ZEB2: variants seen among roughly 807,000 people sequenced by gnomAD.
ZEB2 encodes the protein zinc finger E-box binding homeobox 2.
Under a neutral mutation model 99.9 loss-of-function variants are expected in ZEB2, and 6 were observed. That is an observed-to-expected ratio of 0.06 (90% CI 0.03 to 0.12). The LOEUF (loss-of-function observed/expected upper bound fraction) is 0.12. ZEB2 is among the 10% of genes least tolerant of loss of function. The pLI, the probability that ZEB2 is intolerant of heterozygous loss-of-function variation, is 1.00. For missense variants in ZEB2, 969 were observed against 1,502.8 expected (o/e 0.64, Z 5.87); for synonymous variants, 517 against 542.5 (o/e 0.95, Z 0.65).
At chr2:144,474,645 A>G (rs929336955) in intron 2 of ZEB2, among the ~76,000 whole-genome samples, 2 of 152,192 alleles carry the variant, frequency 1.3e-5, no homozygotes, top group African/African-American at 4.8e-5. Flanking sequence ...GAGGATTCTG[A>G]TCTGGTTATA....
At chr2:144,517,198 C>G (rs1241128632) in intron 2 of ZEB2, 80 bp downstream of exon 2, 2 of 1,591,030 alleles carry the variant, frequency 1.3e-6, no homozygotes, top group African/African-American at 2.7e-5. Flanking sequence ...GCCTCGGTTC[C>G]TTTTCCCTTT....
intron 4 of ZEB2, among the ~76,000 whole-genome samples, chr2:144,409,680 A>C (rs1703432418): frequency 6.6e-6 from 1 of 152,018 alleles, no homozygotes; most frequent in Non-Finnish European, 1.5e-5. Flanking sequence ...CCTTTTCTCT[A>C]TCCAAAAAAA....
Position 144,399,606 on chromosome 2 carries a change from G to C in ZEB2, c.1581C>G (p.Asp527Glu). The change falls in exon 8 of 10, where the codon GAC becomes GAG. Residue 527 changes from aspartate (D) to glutamate (E), a missense_variant. Coordinates refer to ENST00000627532, the MANE Select transcript of ZEB2 (RefSeq NM_014795.4). The surrounding 1 kb of genome is among the most constrained non-coding windows in gnomAD (Gnocchi z 5.6). The part of the protein sequence containing the change: ...SHNGATKSII[D>E]YTLEKVNEAK... The stretch of plus-strand genomic sequence containing the variant: ...CTTCATTGACTTTTTCCAACGTATA[G>C]TCAATAATACTTTTAGTGGCACCAT... 1 of 1,614,172 alleles carries C rather than the reference G, an allele frequency of 6.2e-7. No homozygotes were observed. The highest frequency in any genetic ancestry group is 8.5e-7 in the Non-Finnish European group (1 of 1,180,028).
At chr2:144,450,375 T>G (rs978008258) in intron 2 of ZEB2, 1 of 152,236 alleles carries the variant, frequency 6.6e-6, no homozygotes, top group African/African-American at 2.4e-5. Context: ...ACATACTGAA[T>G]GTAATTATAA....
At chr2:144,461,535 T>C (rs1704194245) in intron 2 of ZEB2, 1 of 152,222 alleles carries the variant, frequency 6.6e-6, no homozygotes, top group Non-Finnish European at 1.5e-5. Context: ...CTAGCTTCTA[T>C]ACACCCACTC....
At chr2:144,421,648 G>A (rs1703619693) in intron 4 of ZEB2, among the ~76,000 whole-genome samples, 1 of 144,990 alleles carries the variant, frequency 6.9e-6, no homozygotes, top group African/African-American at 2.5e-5. Flanking sequence ...TTTCTCTTGT[G>A]TCATAATCTT....
intron 2 of ZEB2, among the ~76,000 whole-genome samples, chr2:144,480,692 C>A (rs1704496870): frequency 6.7e-6 from 1 of 149,206 alleles, no homozygotes. Flanking sequence ...TAGCCACCTA[C>A]CTGTCATCTC....
chr2:144,425,610 T>A (rs1198400682), intron 3 of ZEB2, among the ~76,000 whole-genome samples: 1 of 152,080 alleles, frequency 6.6e-6, no homozygotes, highest in Non-Finnish European at 1.5e-5. Context: ...AAGTTAAAAA[T>A]TCATAAACAA....
At chr2:144,456,998 A>T (rs1022320967) in intron 2 of ZEB2, among the ~76,000 whole-genome samples, 1 of 152,184 alleles carries the variant, frequency 6.6e-6, no homozygotes, top group Non-Finnish European at 1.5e-5. Flanking sequence ...TGTCCTGGCC[A>T]GAGCAGCACC....
chr2:144,397,376 G>T (rs1257739260), intron 8 of ZEB2, among the ~76,000 whole-genome samples: 4 of 152,138 alleles, frequency 2.6e-5, no homozygotes, highest in African/African-American at 9.7e-5. Flanking sequence ...ACTGTAAATT[G>T]GAATACTGGA....
Position 144,512,882 on chromosome 2 carries a change from G to A in ZEB2, c.73+4396C>T, listed in dbSNP as rs1332956902. 3 of 1,287,054 alleles carry A rather than the reference G, an allele frequency of 2.3e-6. No homozygotes were observed. In the East Asian group the frequency reaches 1.7e-4, roughly 71 times the overall value. The allele number at this position is 1,287,054 out of a possible 1,614,324, so 79.7% of individuals were successfully genotyped here. ...ATATCTTTGGAGCGCCCTCAGAACTGGTACCTGCCACACAACCTGCCCCAG... is the reference window on the plus strand; with the variant it reads ...ATATCTTTGGAGCGCCCTCAGAACTAGTACCTGCCACACAACCTGCCCCAG... On this transcript the variant is annotated intron_variant, in intron 2 of 9. Transcript: ENST00000627532.
At chr2:144,425,246 G>A (rs1703676394) in intron 3 of ZEB2, among the ~76,000 whole-genome samples, 1 of 152,182 alleles carries the variant, frequency 6.6e-6, no homozygotes, top group Admixed American at 6.5e-5. Flanking sequence ...GGAAACTCTG[G>A]ATGCTTAGTG....
intron 7 of ZEB2, 78 bp downstream of exon 7, chr2:144,401,121 G>T: frequency 1.5e-6 from 2 of 1,337,456 alleles, no homozygotes; most frequent in Non-Finnish European, 1.1e-6. Context: ...ATAGGACTGT[G>T]TAAATTTTAA....
At chr2:144,424,725 T>C in intron 4 of ZEB2, 71 bp downstream of exon 4, 1 of 1,560,312 alleles carries the variant, frequency 6.4e-7, no homozygotes, top group South Asian at 1.1e-5. Flanking sequence ...GTGTCACTGT[T>C]TCCTTCCCTG....
At chr2:144,506,639 G>A (rs1030559597) in intron 2 of ZEB2, among the ~76,000 whole-genome samples, 1 of 152,062 alleles carries the variant, frequency 6.6e-6, no homozygotes, top group Non-Finnish European at 1.5e-5. Flanking sequence ...AACATTGAAA[G>A]CAATATATTA....
chr2:144,427,960 C>T (rs1703711105), intron 3 of ZEB2: 2 of 152,126 alleles, frequency 1.3e-5, no homozygotes, highest in Non-Finnish European at 2.9e-5. Flanking sequence ...GATCCATGAC[C>T]AACACAAAAA....
chr2:144,487,831 T>C (rs1488436589), intron 2 of ZEB2, among the ~76,000 whole-genome samples: 1 of 152,250 alleles, frequency 6.6e-6, no homozygotes, highest in Non-Finnish European at 1.5e-5. Flanking sequence ...AACTAGGGCC[T>C]GCATTCTTTA....
intron 2 of ZEB2, chr2:144,463,865 A>C (rs1284230883): frequency 2.7e-5 from 4 of 150,774 alleles, no homozygotes; most frequent in African/African-American, 7.4e-5. Context: ...AAAAACAAAA[A>C]AAGAAAGACA....
chr2:144,415,827 T>A (rs1703532494), intron 4 of ZEB2, among the ~76,000 whole-genome samples: 1 of 152,272 alleles, frequency 6.6e-6, no homozygotes, highest in African/African-American at 2.4e-5. Flanking sequence ...GTTTCCACTC[T>A]GTAGCTGTAA....
Sources: allele counts gnomAD v4.1 joint callset (sites outside exome capture counted in the v4.1 genomes callset), GRCh38; gene constraint gnomAD v4.1.1; non-coding constraint Gnocchi (gnomAD v3.1); transcripts MANE v1.5; gene names NCBI Gene and HGNC (gene_info 2026-07-23, HGNC 2026-07-21).